The following THSD4 variants were observed in gnomAD, a reference collection of about 807,000 sequenced individuals.
The protein encoded by THSD4 is thrombospondin type 1 domain containing 4.
A neutral mutation model predicts 119.0 loss-of-function variants in THSD4; 69 were observed. The observed-to-expected ratio is 0.58, with a 90% CI of 0.48 to 0.71. The LOEUF is 0.71. THSD4 is among the 30% of genes least tolerant of loss of function. The probability of loss-of-function intolerance (pLI) is 0.00; values close to 1 mark genes in which losing one functional copy is unlikely to be tolerated. For missense variants in THSD4, 1,393 were observed against 1,391.1 expected (o/e 1.00, Z -0.02); for synonymous variants, 524 against 540.4 (o/e 0.97, Z 0.42).
intron 4 of THSD4, among the ~76,000 whole-genome samples, chr15:71,225,611 A>C (rs28419017): frequency 0.048 from 7,015 of 145,696 alleles, 598 homozygotes; most frequent in African/African-American, 0.17. Flanking sequence ...GCAGTGGCAC[A>C]ATCTTGGTTC....
chr15:71,311,021 G>C (rs1338510721), intron 6 of THSD4, among the ~76,000 whole-genome samples: 4 of 152,172 alleles, frequency 2.6e-5, no homozygotes, highest in Admixed American at 6.5e-5. Context: ...AAAATAAAGT[G>C]ACTTAAACAT....
chr15:71,211,543 T>C (rs2043888270), intron 3 of THSD4, among the ~76,000 whole-genome samples: 1 of 152,234 alleles, frequency 6.6e-6, no homozygotes, highest in Middle Eastern at 3.4e-3. Context: ...CTCACCCTCA[T>C]GACCTCATCT....
In THSD4 at chr15:71,702,679, T is replaced by G. The variant is rs1243422518; in HGVS notation, c.1358-25870T>G. Among the ~76,000 whole-genome samples the G allele has an allele frequency of 8.5e-5, 13 of 152,308 alleles. No individual in the cohort carries two copies. The South Asian group carries it at 1.7e-3, about 19-fold the overall frequency. On this transcript the variant is annotated intron_variant, in intron 8 of 17. Transcript: ENST00000261862. ...TTTCTGTCATGTCTTCATACCAAGT[T>G]CTTCTGACCACGGGGCCTTTGCACA...
intron 9 of THSD4, chr15:71,730,722 C>A (rs1047534629): frequency 5.9e-6 from 1 of 168,932 alleles, no homozygotes; most frequent in African/African-American, 2.4e-5. Flanking sequence ...GCTGCTTGTT[C>A]GCATGACTTT....
chr15:71,353,104 G>A (rs572151984), intron 6 of THSD4, among the ~76,000 whole-genome samples: 1 of 152,278 alleles, frequency 6.6e-6, no homozygotes, highest in African/African-American at 2.4e-5. Context: ...CTCTATACAT[G>A]AGGCTTCATG....
At chr15:71,217,345 C>G (rs1034136658) in intron 4 of THSD4, among the ~76,000 whole-genome samples, 1 of 151,994 alleles carries the variant, frequency 6.6e-6, no homozygotes, top group South Asian at 2.1e-4. Flanking sequence ...AGGCCAGGTG[C>G]GTTGGCTCAC....
intron 10 of THSD4, among the ~76,000 whole-genome samples, chr15:71,736,878 G>A (rs556900762): frequency 1.3e-4 from 20 of 152,304 alleles, no homozygotes; most frequent in Admixed American, 5.2e-4. Context: ...CTTTCAAACC[G>A]GAGGAGGAAG....
chr15:71,525,343 C>T (rs2048503251), intron 7 of THSD4, among the ~76,000 whole-genome samples: 1 of 152,080 alleles, frequency 6.6e-6, no homozygotes, highest in African/African-American at 2.4e-5. Flanking sequence ...AATGTTAAAA[C>T]CGACACTCAT....
chr15:71,535,093 C>T (rs2140824916), intron 7 of THSD4, among the ~76,000 whole-genome samples: 1 of 152,324 alleles, frequency 6.6e-6, no homozygotes, highest in Non-Finnish European at 1.5e-5. Context: ...TTTCATCACT[C>T]CCAAAAGTAA....
intron 7 of THSD4, among the ~76,000 whole-genome samples, chr15:71,573,931 A>G (rs927934428): frequency 6.6e-6 from 1 of 152,254 alleles, no homozygotes; most frequent in African/African-American, 2.4e-5. Context: ...TGTCTGTTGA[A>G]TGAAGGGCTT....
In THSD4 at chr15:71,333,580, G is replaced by A. The variant is rs562847096; in HGVS notation, c.1015+76865G>A. 2.6e-5 allele frequency among the ~76,000 whole-genome samples: 4 copies of A among 152,294 alleles called. No individual in the cohort carries two copies. The East Asian group carries it at 5.8e-4, about 22-fold the overall frequency. ...TTGAGTGGCTGGCAACTGATAGAGTGCAGAAAGGCAGTGATCTTAGGGGAC... is the reference window on the plus strand; with the variant it reads ...TTGAGTGGCTGGCAACTGATAGAGTACAGAAAGGCAGTGATCTTAGGGGAC... On this transcript the variant is annotated intron_variant, in intron 6 of 17. Transcript: ENST00000261862.
chr15:71,137,209 A>G (rs1040107180), intron 1 of THSD4, among the ~76,000 whole-genome samples: 1 of 152,052 alleles, frequency 6.6e-6, no homozygotes, highest in Non-Finnish European at 1.5e-5. Context: ...CTCCGCAGAC[A>G]GCACGTGTGC....
chr15:71,122,357 G>A (rs4776538), intron 1 of THSD4, among the ~76,000 whole-genome samples: 129,251 of 152,108 alleles, frequency 0.85, 56,851 homozygotes, highest in East Asian at 1. Flanking sequence ...GGCTCACACA[G>A]CAAGTAGACA....
intron 8 of THSD4, among the ~76,000 whole-genome samples, chr15:71,678,709 G>A (rs1405385263): frequency 6.6e-6 from 1 of 151,996 alleles, no homozygotes; most frequent in Non-Finnish European, 1.5e-5. Context: ...ATAACTTTTG[G>A]CATCTCCTGA....
intron 3 of THSD4, among the ~76,000 whole-genome samples, chr15:71,173,328 T>C (rs1167368756): frequency 6.6e-6 from 1 of 151,918 alleles, no homozygotes; most frequent in African/African-American, 2.4e-5. Flanking sequence ...AGGTGAAAAC[T>C]TGTATAATGA....
At chr15:71,576,041 G>GT (rs374790315) in intron 7 of THSD4, among the ~76,000 whole-genome samples, 3 of 151,862 alleles carry the variant, frequency 2.0e-5, no homozygotes, top group Non-Finnish European at 4.4e-5. Context: ...GTCCTCTGCA[G>GT]TTTTTTGGTA....
intron 6 of THSD4, among the ~76,000 whole-genome samples, chr15:71,339,289 TTTA>T (rs2045531289): frequency 6.6e-6 from 1 of 152,056 alleles, no homozygotes; most frequent in Non-Finnish European, 1.5e-5. Context: ...GAGCCTCCCT[TTTA>T]TTGATTTTTT....
At chr15:71,622,081 C>T (rs562088105) in intron 7 of THSD4, among the ~76,000 whole-genome samples, 32 of 152,282 alleles carry the variant, frequency 2.1e-4, no homozygotes, top group African/African-American at 7.7e-4. Context: ...AAGCAATTCC[C>T]GATGCCAAAA....
intron 6 of THSD4, among the ~76,000 whole-genome samples, chr15:71,299,509 T>A (rs1445016263): frequency 4.6e-5 from 7 of 152,142 alleles, no homozygotes; most frequent in Admixed American, 2.0e-4. Flanking sequence ...GTATGTGAAA[T>A]CTAAAGAGTT....
Sources: gnomAD v4.1 joint callset for allele counts (sites outside exome capture counted in the v4.1 genomes callset) on GRCh38, gnomAD v4.1.1 for gene constraint, MANE v1.5 for transcripts, NCBI Gene and HGNC (gene_info 2026-07-23, HGNC 2026-07-21) for gene names.